Variants in RRP1B observed in about 807,000 individuals in gnomAD.
RRP1B encodes ribosomal RNA processing protein 1 homolog B.
A neutral mutation model predicts 80.2 loss-of-function variants in RRP1B; 56 were observed. The ratio of observed to expected loss-of-function variants is 0.70; its 90% CI spans 0.56 to 0.87. The LOEUF is 0.87. Ranked by LOEUF, RRP1B falls within the 40% of genes least tolerant of loss-of-function variation. The pLI is 0.00. For synonymous variants in RRP1B, 351 were observed against 357.6 expected (o/e 0.98, Z 0.21); for missense variants, 807 against 939.8 (o/e 0.86, Z 1.85).
Position 43,693,559 on chromosome 21 carries a change from G to A in RRP1B, c.*176G>A, listed in dbSNP as rs1286693323. 18 of 555,940 alleles carry A rather than the reference G, an allele frequency of 3.2e-5. No individual in the cohort carries two copies. The highest frequency in any genetic ancestry group is 4.6e-4 in the Middle Eastern group (1 of 2,174). 34.4% of individuals were successfully genotyped at this position (555,940 alleles called of 1,614,324 possible). On this transcript the variant is annotated 3_prime_UTR_variant, in exon 16 of 16. Transcript: ENST00000340648. The surrounding 1 kb of genome is among the most constrained non-coding windows in gnomAD (Gnocchi z 4.1). ...TGGCCCCTCTGTAGTGGCTGCGGGCGTCTTGGTTGAATCTTTTGCTACAAA... is the reference window on the plus strand; with the variant it reads ...TGGCCCCTCTGTAGTGGCTGCGGGCATCTTGGTTGAATCTTTTGCTACAAA...
At position 43,673,827 on chromosome 21, in the gene RRP1B, T is replaced by C. The variant is rs747693991; in HGVS notation, c.272-43T>C. The C allele has an allele frequency of 2.6e-5, 33 of 1,280,722 alleles. No individual in the cohort carries two copies. In the East Asian group the frequency reaches 4.2e-4, roughly 16 times the overall value. The allele number at this position is 1,280,722 out of a possible 1,614,324, so 79.3% of individuals were successfully genotyped here. A position where few individuals can be genotyped will look rare whatever the true frequency, so the allele number is the denominator to read the frequency against. ...TATTTTCTTGCTATATGGTAGTATG[T>C]TGATGTGGAAGCCAAGTATTTAGAG... On this transcript the variant is annotated intron_variant, in intron 3 of 15. Transcript: ENST00000340648.
In RRP1B at chr21:43,670,098, G is replaced by A. The variant is rs568594735; in HGVS notation, c.213+132G>A. ...AGTCATGCTTCAAGGAGTCATTTTC[G>A]TACCTCTTGTCCATACAGAAAGGGA... On this transcript the variant is annotated intron_variant, in intron 2 of 15. Transcript: ENST00000340648. 9.6e-6 allele frequency: 5 copies of A among 519,262 alleles called. No individual in the cohort carries two copies. In the Admixed American group the frequency reaches 1.1e-4, roughly 11 times the overall value. 32.2% of individuals were successfully genotyped at this position (519,262 alleles called of 1,614,324 possible). A position where few individuals can be genotyped will look rare whatever the true frequency, so the allele number is the denominator to read the frequency against.
intron 8 of RRP1B, among the ~76,000 whole-genome samples, chr21:43,677,654 T>C (rs2083027963): frequency 6.6e-6 from 1 of 152,252 alleles, no homozygotes; most frequent in South Asian, 2.1e-4. Context: ...GAGTCTGATT[T>C]GTTGTTTGGG....
At position 43,691,597 on chromosome 21, in the gene RRP1B, A is replaced by AG. The variant is rs1327414798; in HGVS notation, c.2083+101dup. The AG allele has an allele frequency of 6.3e-5, 63 of 997,144 alleles. No homozygotes were observed. Among genetic ancestry groups the AG allele is most frequent in the Middle Eastern group, 2.3e-4 (1 of 4,330 alleles). The allele number at this position is 997,144 out of a possible 1,614,324, so 61.8% of individuals were successfully genotyped here. A position where few individuals can be genotyped will look rare whatever the true frequency, so the allele number is the denominator to read the frequency against. On this transcript the variant is annotated intron_variant, in intron 15 of 15. Transcript: ENST00000340648. The surrounding 1 kb of genome is among the most constrained non-coding windows in gnomAD (Gnocchi z 4.2). ...TGGTTCCACAAGGCGGTCGGGGAAG[A>AG]GGGGGGTCCTAGCTCCTCACTGCCC...
At chr21:43,684,342 A>AT (rs1274554312) in intron 9 of RRP1B, among the ~76,000 whole-genome samples, 2 of 152,094 alleles carry the variant, frequency 1.3e-5, no homozygotes, top group African/African-American at 2.4e-5. Context: ...AAGTGCTGGG[A>AT]TTACAGGCAT....
chr21:43,661,986 C>G (rs2082959491), intron 1 of RRP1B, among the ~76,000 whole-genome samples: 1 of 152,262 alleles, frequency 6.6e-6, no homozygotes, highest in African/African-American at 2.4e-5. Context: ...TCCATTGTGT[C>G]TCTGTTGTAG....
rs758803064 is a variant in RRP1B at position 43,672,374 on chromosome 21, T to C, written c.271+9T>C. 3.7e-6 allele frequency: 6 copies of C among 1,612,362 alleles called. No homozygotes were observed. The South Asian group carries it at 4.4e-5, about 12-fold the overall frequency. ...TAACAACTCAGCGGCTCGTAAGTCC[T>C]GTTGTTTCTTCTCCTTCCTTCCAAG... On this transcript the variant is annotated intron_variant, in intron 3 of 15. Coordinates refer to ENST00000340648, the MANE Select transcript of RRP1B (RefSeq NM_015056.3).
intron 14 of RRP1B, among the ~76,000 whole-genome samples, chr21:43,690,825 G>A (rs2083083252): frequency 2.0e-5 from 3 of 152,326 alleles, no homozygotes; most frequent in Middle Eastern, 3.4e-3. Context: ...CCTGATGCAG[G>A]CTGGATCCAC....
intron 8 of RRP1B, 25 bp downstream of exon 8, chr21:43,676,939 T>C (rs2083025266): frequency 6.2e-7 from 1 of 1,603,648 alleles, no homozygotes; most frequent in Non-Finnish European, 8.5e-7. Flanking sequence ...TTGGTCAGTG[T>C]AGCTTTCTTT....
intron 14 of RRP1B, 53 bp downstream of exon 14, chr21:43,690,493 G>A (rs1377079145): frequency 5.7e-6 from 9 of 1,582,512 alleles, no homozygotes; most frequent in Non-Finnish European, 7.8e-6. Context: ...GGGCACAGAT[G>A]GGCTTGAGCT....
intron 8 of RRP1B, among the ~76,000 whole-genome samples, chr21:43,680,854 A>G (rs1018573405): frequency 6.6e-6 from 1 of 152,156 alleles, no homozygotes; most frequent in African/African-American, 2.4e-5. Flanking sequence ...CCAAAATGTT[A>G]GTATAGTTAG....
Position 43,676,913 on chromosome 21 carries a change from A to AGGT in RRP1B, c.796_796+2dup. On this transcript the variant is annotated inframe_insertion and splice_region_variant, in exon 8 of 16. Transcript: ENST00000340648. ...GAAGAGCTGTCAGTAAAAAGAAGACAGGTAGGAGGATGTTCTTGGTCAGTG... is the reference window on the plus strand; with the variant it reads ...GAAGAGCTGTCAGTAAAAAGAAGACAGGTGGTAGGAGGATGTTCTTGGTCAGTG... 1 of 1,613,832 alleles carries AGGT rather than the reference A, an allele frequency of 6.2e-7. No homozygotes were observed.
At chr21:43,668,478 C>T (rs1178205122) in intron 1 of RRP1B, among the ~76,000 whole-genome samples, 2 of 151,608 alleles carry the variant, frequency 1.3e-5, no homozygotes, top group Non-Finnish European at 2.9e-5. Flanking sequence ...CACCATTCTA[C>T]TGCCTCAGCC....
intron 13 of RRP1B, among the ~76,000 whole-genome samples, chr21:43,688,604 A>C (rs2083074062): frequency 6.6e-6 from 1 of 152,230 alleles, no homozygotes; most frequent in Non-Finnish European, 1.5e-5. Context: ...TGGCCAGTCC[A>C]GGCCCCTTTG....
chr21:43,684,642 C>A lies in RRP1B; in HGVS notation c.981C>A (p.Leu327=). 6.2e-7 allele frequency: 1 copy of A among 1,613,792 alleles called. No individual in the cohort carries two copies. Among genetic ancestry groups the A allele is most frequent in the Non-Finnish European group, 8.5e-7 (1 of 1,179,690 alleles). ...PHFNRKRLSK[L]IKKFQDLSEG... is the part of the protein sequence containing the mutation. ...TCAACAGGAAGCGCCTCTCCAAACT[C>A]ATCAAGAAGTCAGTAACTGGGGAGA... Residue 327 remains leucine (L), a synonymous_variant, in exon 10 of 16, where the codon CTC becomes CTA. Transcript: ENST00000340648.
intron 8 of RRP1B, among the ~76,000 whole-genome samples, chr21:43,680,905 T>C (rs1244521446): frequency 6.6e-6 from 1 of 152,166 alleles, no homozygotes; most frequent in Non-Finnish European, 1.5e-5. Flanking sequence ...GTTTCCTTTG[T>C]ACTTCTCTAT....
In RRP1B at chr21:43,676,288, A is replaced by G; in HGVS notation, c.566A>G (p.Asn189Ser). ...VGGKELLADQ[N>S]LKFIDPFCKI... is the part of the protein sequence containing the mutation. ...AAATTACAGCTTTTAGCAGATCAGA[A>G]TCTCAAGTTTATCGATCCATTCTGC... is the stretch of plus-strand genomic sequence containing the variant. The change falls in exon 7 of 16, where the codon AAT becomes AGT. Residue 189 changes from asparagine to serine, a missense_variant. Coordinates refer to ENST00000340648, the MANE Select transcript of RRP1B (RefSeq NM_015056.3). 7.4e-6 allele frequency: 12 copies of G among 1,612,708 alleles called. No homozygotes were observed. The highest frequency in any genetic ancestry group is 9.3e-6 in the Non-Finnish European group (11 of 1,179,112).
intron 15 of RRP1B, among the ~76,000 whole-genome samples, chr21:43,692,902 AC>A (rs984499903): frequency 2.0e-5 from 3 of 151,448 alleles, no homozygotes; most frequent in Non-Finnish European, 2.9e-5. Context: ...AAACACCCCC[AC>A]CCCCAATGTT....
At chr21:43,690,558 C>A in intron 14 of RRP1B, 118 bp downstream of exon 14, 1 of 1,139,754 alleles carries the variant, frequency 8.8e-7, no homozygotes, top group South Asian at 1.5e-5. Context: ...TGAGCCTGTC[C>A]ACAGTGGACA....
Sources: gnomAD v4.1 joint callset for allele counts (sites outside exome capture counted in the v4.1 genomes callset) on GRCh38, gnomAD v4.1.1 for gene constraint, Gnocchi (gnomAD v3.1) non-coding constraint, MANE v1.5 for transcripts, NCBI Gene and HGNC (gene_info 2026-07-23, HGNC 2026-07-21) for gene names.